FMN2: variants seen among roughly 807,000 people sequenced by gnomAD.
The protein encoded by FMN2 is formin 2, also known as formin-2.
FMN2 carries 51 observed loss-of-function variants against 142.3 expected under a neutral mutation model. That is an observed-to-expected ratio of 0.36 (90% CI 0.29 to 0.45). The LOEUF (loss-of-function observed/expected upper bound fraction) is 0.45, where lower values mean the gene tolerates loss of function less well. Among genes scored for constraint, FMN2 ranks in the 20% least tolerant of loss-of-function variants. The probability of loss-of-function intolerance (pLI) is 1.00; values close to 1 mark genes in which losing one functional copy is unlikely to be tolerated. For synonymous variants in FMN2, 882 were observed against 869.8 expected (o/e 1.01, Z -0.25); for missense variants, 1,936 against 2,122.8 (o/e 0.91, Z 1.73).
intron 14 of FMN2, among the ~76,000 whole-genome samples, chr1:240,385,662 A>G (rs1673380145): frequency 6.6e-6 from 1 of 152,196 alleles, no homozygotes; most frequent in Admixed American, 6.5e-5. Context: ...CTTTGGGTTT[A>G]AAACGAAGAT....
At chr1:240,356,955 A>G (rs1672292664) in intron 14 of FMN2, among the ~76,000 whole-genome samples, 1 of 152,242 alleles carries the variant, frequency 6.6e-6, no homozygotes, top group African/African-American at 2.4e-5. Context: ...TCATTTTCAA[A>G]TTCTGAGGTC....
At chr1:240,465,240 C>G (rs183949947) in intron 16 of FMN2, among the ~76,000 whole-genome samples, 37 of 152,074 alleles carry the variant, frequency 2.4e-4, no homozygotes, top group Non-Finnish European at 5.0e-4. Flanking sequence ...GAAAGACTCA[C>G]AGCTCCTAAG....
rs1285745094 is a variant in FMN2 at position 240,121,164 on chromosome 1, T to A, written c.1616-2015T>A. ...AAAGTCTATCTCAAAAAAAAAAAAA[T>A]GTGTCAGAAAAAATTAAGGCCTATA... is the stretch of plus-strand genomic sequence containing the variant. On this transcript the variant is annotated intron_variant, in intron 1 of 17. Transcript: ENST00000319653. Among the ~76,000 whole-genome samples, 14 of 145,286 alleles carry A rather than the reference T, an allele frequency of 9.6e-5. No individual in the cohort carries two copies. In the East Asian group the frequency reaches 1.0e-3, roughly 11 times the overall value.
rs1664659547 is a variant in FMN2 at position 240,170,521 on chromosome 1, C to T, written c.1783-7400C>T. On this transcript the variant is annotated intron_variant, in intron 2 of 17. Transcript: ENST00000319653. ...ACCTTGCCAGAATATAAGAGTCACT[C>T]AAGGGAAAGGATTAGTGCCAGATGG... The T allele has an allele frequency of 1.3e-5, 20 of 1,529,366 alleles. No individual in the cohort carries two copies. In the South Asian group the frequency reaches 2.2e-4, roughly 17 times the overall value. The allele number at this position is 1,529,366 out of a possible 1,614,324, so 94.7% of individuals were successfully genotyped here.
intron 6 of FMN2, among the ~76,000 whole-genome samples, chr1:240,249,476 T>C (rs1668203385): frequency 6.6e-6 from 1 of 152,178 alleles, no homozygotes; most frequent in Admixed American, 6.5e-5. Context: ...TTTATATCAA[T>C]ACCATACAGT....
chr1:240,366,535 C>CGTT (rs1672673682), intron 14 of FMN2, among the ~76,000 whole-genome samples: 2 of 107,166 alleles, frequency 1.9e-5, no homozygotes, highest in African/African-American at 8.0e-5. Context: ...CCTATTCTAT[C>CGTT]CTTTTTTTTT....
At chr1:240,291,944 A>G (rs1669806862) in intron 7 of FMN2, among the ~76,000 whole-genome samples, 1 of 152,102 alleles carries the variant, frequency 6.6e-6, no homozygotes, top group Non-Finnish European at 1.5e-5. Context: ...TCTAAGCCCC[A>G]CAAAAACCCC....
rs139454803 is a variant in FMN2, at chr1:240,164,015, C to G, written c.1783-13906C>G. Among the ~76,000 whole-genome samples the G allele has an allele frequency of 1.2e-4, 19 of 152,142 alleles. No homozygotes were observed. The East Asian group carries it at 3.3e-3, about 26-fold the overall frequency. ...AGCCTCTCAAGTAGCTAGGACTACACTACAGGGGTGCGTCACCACCCCAAG... is the reference window on the plus strand; with the variant it reads ...AGCCTCTCAAGTAGCTAGGACTACAGTACAGGGGTGCGTCACCACCCCAAG... On this transcript the variant is annotated intron_variant, in intron 2 of 17. Coordinates refer to ENST00000319653, the MANE Select transcript of FMN2 (RefSeq NM_020066.5).
intron 14 of FMN2, among the ~76,000 whole-genome samples, chr1:240,366,249 T>A (rs1422516424): frequency 1.3e-5 from 2 of 152,190 alleles, no homozygotes; most frequent in Non-Finnish European, 2.9e-5. Flanking sequence ...TCCAATCTTA[T>A]ACCTGTGTCC....
chr1:240,347,051 A>G (rs1288657651), intron 13 of FMN2, among the ~76,000 whole-genome samples: 1 of 152,240 alleles, frequency 6.6e-6, no homozygotes, highest in Non-Finnish European at 1.5e-5. Flanking sequence ...GCTGTTGAGT[A>G]CTTAGAGAAA....
chr1:240,135,279 A>G (rs1466699570), intron 2 of FMN2, among the ~76,000 whole-genome samples: 1 of 152,126 alleles, frequency 6.6e-6, no homozygotes, highest in Non-Finnish European at 1.5e-5. Context: ...TCTTGATTGG[A>G]TAATTTCTTG....
rs1669756343 is a variant in FMN2, at chr1:240,290,792, T to G, written c.4154-4030T>G. Among the ~76,000 whole-genome samples the G allele has an allele frequency of 5.4e-5, 6 of 110,406 alleles. No individual in the cohort carries two copies. The South Asian group carries it at 1.4e-3, about 26-fold the overall frequency. 72.4% of individuals were successfully genotyped at this position (110,406 alleles called of 152,430 possible). ...GTCTGTTTGTTTGGTTTTTTTTTTTTGTTTTTTTTTTTTTTTGAGACAGAG... is the reference window on the plus strand; with the variant it reads ...GTCTGTTTGTTTGGTTTTTTTTTTTGGTTTTTTTTTTTTTTTGAGACAGAG... On this transcript the variant is annotated intron_variant, in intron 7 of 17. Transcript: ENST00000319653.
intron 14 of FMN2, among the ~76,000 whole-genome samples, chr1:240,357,036 G>T (rs1268388548): frequency 6.6e-6 from 1 of 152,014 alleles, no homozygotes; most frequent in African/African-American, 2.4e-5. Flanking sequence ...GTAAATATTA[G>T]GGAACATTGT....
chr1:240,254,562 C>T (rs1668387882), intron 6 of FMN2, among the ~76,000 whole-genome samples: 2 of 152,072 alleles, frequency 1.3e-5, no homozygotes, highest in Admixed American at 1.3e-4. Flanking sequence ...CCCCCTACCC[C>T]TGGCAGAATA....
intron 8 of FMN2, among the ~76,000 whole-genome samples, chr1:240,299,020 G>A (rs986245003): frequency 6.6e-6 from 1 of 151,152 alleles, no homozygotes; most frequent in Non-Finnish European, 1.5e-5. Context: ...GCGCAGTCTT[G>A]GCCCACTGCA....
At position 240,472,359 on chromosome 1, in the gene FMN2, T is replaced by C; in HGVS notation, c.5061-13T>C. On this transcript the variant is annotated splice_polypyrimidine_tract_variant and intron_variant, in intron 16 of 17. Coordinates refer to ENST00000319653, the MANE Select transcript of FMN2 (RefSeq NM_020066.5). ...TAGGTTTTGTTTAAATACATGTGTC[T>C]TCTCCCCATCAGAGTAAAAGAAGCC... 1.2e-6 allele frequency: 2 copies of C among 1,604,848 alleles called. No homozygotes were observed. The highest frequency in any genetic ancestry group is 1.7e-6 in the Non-Finnish European group (2 of 1,175,510).
chr1:240,159,972 TATAC>T (rs1177206555), intron 2 of FMN2, among the ~76,000 whole-genome samples: 10 of 126,454 alleles, frequency 7.9e-5, no homozygotes, highest in South Asian at 2.6e-4. Flanking sequence ...TATATATATA[TATAC>T]ACACACACAC....
chr1:240,437,378 G>C (rs1251252887), intron 15 of FMN2, among the ~76,000 whole-genome samples: 1 of 145,498 alleles, frequency 6.9e-6, no homozygotes, highest in Non-Finnish European at 1.5e-5. Flanking sequence ...ACTGCAAGCT[G>C]TGCCTCCTGG....
Position 240,123,162 on chromosome 1 carries a change from C to CT in FMN2, c.1616-16dup. The stretch of plus-strand genomic sequence containing the variant: ...GATCGGCAGTGCTCGCTCTTAATGA[C>CT]TGTGTTTCATCTGCAGGGCGAACGC... On this transcript the variant is annotated splice_polypyrimidine_tract_variant and intron_variant, in intron 1 of 17. Transcript: ENST00000319653. 6.2e-7 allele frequency: 1 copy of CT among 1,613,800 alleles called. No homozygotes were observed. The highest frequency in any genetic ancestry group is 8.5e-7 in the Non-Finnish European group (1 of 1,179,862).
Sources: gnomAD v4.1 joint callset for allele counts (sites outside exome capture counted in the v4.1 genomes callset) on GRCh38, gnomAD v4.1.1 for gene constraint, MANE v1.5 for transcripts, NCBI Gene and HGNC (gene_info 2026-07-23, HGNC 2026-07-21) for gene names.